Variants in GLI1 observed in about 807,000 individuals in gnomAD.
The protein encoded by GLI1 is GLI family zinc finger 1, also known as transcription activator GLI1.
A neutral mutation model predicts 87.8 loss-of-function variants in GLI1; 51 were observed. That is an observed-to-expected ratio of 0.58 (90% confidence interval 0.46 to 0.73). GLI1 has a LOEUF of 0.73. Among genes scored for constraint, GLI1 ranks in the 30% least tolerant of loss-of-function variants. The pLI is 0.00. For missense variants in GLI1, 1,292 were observed against 1,437.2 expected, an observed-to-expected ratio of 0.90 and a Z score of 1.63; for synonymous variants, 528 against 558.2, an observed-to-expected ratio of 0.95 and a Z score of 0.76.
At chr12:57,464,901 A>G in intron 4 of GLI1, 33 bp downstream of exon 4, 1 of 1,516,714 alleles carries the variant, frequency 6.6e-7, no homozygotes, top group South Asian at 1.1e-5. Context: ...AGGCCCCTAA[A>G]GCCCCTACCC....
chr12:57,463,607 A>T (rs770204788), intron 1 of GLI1, 58 bp from the exon 2 acceptor site: 12 of 831,168 alleles, frequency 1.4e-5, no homozygotes, highest in Non-Finnish European at 1.5e-5. Flanking sequence ...TGTGCCTGAG[A>T]CTGCTGTCTG....
At position 57,471,920 on chromosome 12, in the gene GLI1, T is replaced by C. The variant is rs1872002348; in HGVS notation, c.3180T>C (p.Ser1060=). ...TTCTGGATGAGCCCCAGGGGCTGAG[T>C]CCTCCTCCTTCCCATGATCAGCGGG... is the stretch of plus-strand genomic sequence containing the variant. ...VAILDEPQGL[S]PPPSHDQRGS... is the part of the protein sequence containing the mutation. The change falls in exon 12 of 12, where the codon AGT becomes AGC. Residue 1060 remains serine, a synonymous_variant. Coordinates refer to ENST00000228682, the MANE Select transcript of GLI1 (RefSeq NM_005269.3). This position sits in a 1 kb window ranked among gnomAD's most constrained non-coding sequence, Gnocchi z 4.9. 3 of 1,611,610 alleles carry C rather than the reference T, an allele frequency of 1.9e-6. No homozygotes were observed. In the East Asian group the frequency reaches 6.7e-5, roughly 36 times the overall value.
chr12:57,467,576 C>T (rs1871580397), intron 9 of GLI1, 79 bp downstream of exon 9: 1 of 1,221,942 alleles, frequency 8.2e-7, no homozygotes. Context: ...AATCCCTTAG[C>T]CCAGCACCCA....
Position 57,464,879 on chromosome 12 carries a change from C to G in GLI1, c.389+11C>G. The G allele has an allele frequency of 6.2e-7, 1 of 1,602,704 alleles. No individual in the cohort carries two copies. Among genetic ancestry groups the G allele is most frequent in the Non-Finnish European group, 8.5e-7 (1 of 1,170,114 alleles). ...CATTGGCACCATGAGGTGCAGTCAG[C>G]CCCGGGCCAAGAGGCCCCTAAAGCC... On this transcript the variant is annotated intron_variant, in intron 4 of 11. Coordinates refer to ENST00000228682, the MANE Select transcript of GLI1 (RefSeq NM_005269.3).
chr12:57,468,642 T>C (rs1871664520), intron 10 of GLI1, among the ~76,000 whole-genome samples: 2 of 152,148 alleles, frequency 1.3e-5, no homozygotes, highest in Admixed American at 6.5e-5. Context: ...TTTTCTTCTT[T>C]TTAGAGATCG....
rs779539699 is a variant in GLI1 at position 57,471,480 on chromosome 12, G to A, written c.2740G>A (p.Gly914Ser). 3.0e-5 allele frequency: 48 copies of A among 1,612,078 alleles called. No homozygotes were observed. Among genetic ancestry groups the A allele is most frequent in the Non-Finnish European group, 4.0e-5 (47 of 1,179,064 alleles). The change falls in exon 12 of 12, where the codon GGC becomes AGC. Residue 914 changes from glycine (G) to serine (S), a missense_variant. Transcript: ENST00000228682. This position sits in a 1 kb window ranked among gnomAD's most constrained non-coding sequence, Gnocchi z 4.9. Reference sequence around the variant, plus strand: ...ACAGGAGCTACTGTGGGAGGGTGGGGGCAGGGAAGATGCCCCCGCCCAGGA... The same window carrying A: ...ACAGGAGCTACTGTGGGAGGGTGGGAGCAGGGAAGATGCCCCCGCCCAGGA... ...SQQELLWEGG[G>S]REDAPAQEPS...
chr12:57,471,493 C>A lies in GLI1; in HGVS notation c.2753C>A (p.Ala918Asp), dbSNP rs201302136. 3 of 1,609,316 alleles carry A rather than the reference C, an allele frequency of 1.9e-6. No homozygotes were observed. Among genetic ancestry groups the A allele is most frequent in the Admixed American group, 1.7e-5 (1 of 59,146 alleles). ...LLWEGGGRED[A>D]PAQEPSYQSP... ...TGGGAGGGTGGGGGCAGGGAAGATG[C>A]CCCCGCCCAGGAACCTTCCTACCAG... Residue 918 changes from alanine (A) to aspartate (D), a missense_variant, in exon 12 of 12, where the codon GCC (alanine) becomes GAC (aspartate). Physicochemically the swap from Ala to Asp is moderately radical, Grantham distance 126. This residue lies in a region of GLI1 where 897 missense variants were observed against 1,040.7 expected (regional missense o/e 0.86). Transcript: ENST00000228682. The surrounding 1 kb of genome is among the most constrained non-coding windows in gnomAD (Gnocchi z 4.9).
At position 57,469,581 on chromosome 12, in the gene GLI1, A is replaced by G. The variant is rs1871729611; in HGVS notation, c.1459A>G (p.Ile487Val). 6.2e-7 allele frequency: 1 copy of G among 1,614,168 alleles called. No individual in the cohort carries two copies. Among genetic ancestry groups the G allele is most frequent in the African/African-American group, 1.3e-5 (1 of 75,038 alleles). The change falls in exon 11 of 12, where the codon ATT becomes GTT. Residue 487 changes from isoleucine (I) to valine (V), a missense_variant. Coordinates refer to ENST00000228682, the MANE Select transcript of GLI1 (RefSeq NM_005269.3). Reference protein sequence around the residue: ...DLSSLDEGPCIAGTGLSTLRR... With the variant: ...DLSSLDEGPCVAGTGLSTLRR... ...CTCCAGCTTGGACGAGGGACCTTGCATTGCTGGCACTGGTCTGTCCACTCT... is the reference window on the plus strand; with the variant it reads ...CTCCAGCTTGGACGAGGGACCTTGCGTTGCTGGCACTGGTCTGTCCACTCT...
At chr12:57,467,241 C>A (rs976856195) in intron 8 of GLI1, 92 bp from the exon 9 acceptor site, 43 of 1,076,048 alleles carry the variant, frequency 4.0e-5, no homozygotes, top group African/African-American at 6.3e-5. Context: ...GAGTTATATT[C>A]TCTGATGTGT....
chr12:57,460,145 C>T lies in GLI1; in HGVS notation c.-84C>T, dbSNP rs1871032151. On this transcript the variant is annotated 5_prime_UTR_variant, in exon 1 of 12. Coordinates refer to ENST00000228682, the MANE Select transcript of GLI1 (RefSeq NM_005269.3). Reference sequence around the variant, plus strand: ...CCGCCCCCCCTCCCCACCGCACACCCCCCAGCCCAGACTCCAGCCCTGGAC... The same window carrying T: ...CCGCCCCCCCTCCCCACCGCACACCTCCCAGCCCAGACTCCAGCCCTGGAC... The T allele has an allele frequency of 6.6e-6, 1 of 152,296 alleles. No homozygotes were observed. The highest frequency in any genetic ancestry group is 2.4e-5 in the African/African-American group (1 of 41,314). The allele number at this position is 152,296 out of a possible 1,614,324, so 9.4% of individuals were successfully genotyped here. A position where few individuals can be genotyped will look rare whatever the true frequency, so the allele number is the denominator to read the frequency against.
At position 57,470,354 on chromosome 12, in the gene GLI1, T is replaced by A. The variant is rs769607622; in HGVS notation, c.1614T>A (p.Ser538=). 1.9e-6 allele frequency: 3 copies of A among 1,601,646 alleles called. No homozygotes were observed. The highest frequency in any genetic ancestry group is 2.6e-6 in the Non-Finnish European group (3 of 1,173,356). ...TVSRRVGPPV[S]LERRSSSSSS... ...CCCGCCGCGTGGGCCCCCCAGTCTC[T>A]CTTGAACGCCGCAGCAGCAGCTCCA... Residue 538 remains serine, a synonymous_variant, in exon 12 of 12, where the codon TCT becomes TCA. Coordinates refer to ENST00000228682, the MANE Select transcript of GLI1 (RefSeq NM_005269.3).
At chr12:57,467,216 A>G (rs1202658389) in intron 8 of GLI1, 117 bp from the exon 9 acceptor site, 2 of 827,356 alleles carry the variant, frequency 2.4e-6, no homozygotes, top group African/African-American at 3.4e-5. Context: ...TCGAAGCCCC[A>G]GTGCCTTTCA....
chr12:57,471,601 C>G lies in GLI1; in HGVS notation c.2861C>G (p.Pro954Arg). 2 of 1,613,860 alleles carry G rather than the reference C, an allele frequency of 1.2e-6. No individual in the cohort carries two copies. The highest frequency in any genetic ancestry group is 1.7e-6 in the Non-Finnish European group (2 of 1,179,866). The change falls in exon 12 of 12, where the codon CCC becomes CGC. Residue 954 changes from proline (P) to arginine (R), a missense_variant. By Grantham distance (103) the Pro-to-Arg change is moderately radical. Around this residue, in one of 3 missense-constraint regions of GLI1, gnomAD observed 897 missense variants for 1,040.7 expected, o/e 0.86. Transcript: ENST00000228682. This position sits in a 1 kb window ranked among gnomAD's most constrained non-coding sequence, Gnocchi z 4.9. ...AACACATATGGACCTGGCTTTGGAC[C>G]CAACTTGCCCAATCACAAGTCAGGT... is the stretch of plus-strand genomic sequence containing the variant. ...PVNTYGPGFG[P>R]NLPNHKSGSY...
intron 1 of GLI1, among the ~76,000 whole-genome samples, chr12:57,462,412 C>T (rs1475422382): frequency 1.3e-5 from 2 of 152,038 alleles, no homozygotes; most frequent in South Asian, 2.1e-4. Flanking sequence ...GATCACCCAC[C>T]GCGCCGGCCG....
At position 57,471,127 on chromosome 12, in the gene GLI1, T is replaced by C. The variant is rs1352740229; in HGVS notation, c.2387T>C (p.Leu796Pro). ...HSGLYPGPKA[L>P]GGTYSQCPRL... The stretch of plus-strand genomic sequence containing the variant: ...GGGCTGTACCCAGGCCCCAAGGCTC[T>C]AGGTGGAACCTACAGCCAGTGTCCT... Residue 796 changes from leucine (L) to proline (P), a missense_variant, in exon 12 of 12, where the codon CTA (leucine) becomes CCA (proline). Transcript: ENST00000228682. The surrounding 1 kb of genome is among the most constrained non-coding windows in gnomAD (Gnocchi z 4.9). 1.2e-6 allele frequency: 2 copies of C among 1,613,264 alleles called. No individual in the cohort carries two copies. The highest frequency in any genetic ancestry group is 1.1e-5 in the South Asian group (1 of 90,974).
rs202128734 is a variant in GLI1, at chr12:57,465,843, G to T, written c.680G>T (p.Arg227Leu). 42 of 1,614,100 alleles carry T rather than the reference G, an allele frequency of 2.6e-5. No homozygotes were observed. Among genetic ancestry groups the T allele is most frequent in the Non-Finnish European group, 3.5e-5 (41 of 1,179,912 alleles). The change falls in exon 7 of 12, where the codon CGT (arginine) becomes CTT (leucine). Residue 227 changes from arginine to leucine, a missense_variant. Arg to Leu is a moderately radical substitution (Grantham distance 102, BLOSUM62 -2). Coordinates refer to ENST00000228682, the MANE Select transcript of GLI1 (RefSeq NM_005269.3). ...GREDLEREEK[R>L]EPESVYETDC... ...GAGGACCTCGAGAGAGAGGAGAAGC[G>T]TGAGCCTGAATCTGTGTATGAAACT...
intron 1 of GLI1, among the ~76,000 whole-genome samples, chr12:57,462,105 A>C (rs1871176360): frequency 6.6e-6 from 1 of 151,784 alleles, no homozygotes; most frequent in Non-Finnish European, 1.5e-5. Context: ...AGTTTGGGGG[A>C]GTCTCTAGTG....
rs760866050 is a variant in GLI1, at chr12:57,464,088, G to A, written c.190G>A (p.Glu64Lys). 7 of 1,594,584 alleles carry A rather than the reference G, an allele frequency of 4.4e-6. No individual in the cohort carries two copies. The highest frequency in any genetic ancestry group is 4.5e-5 in the East Asian group (2 of 44,792). Residue 64 changes from glutamate to lysine, a missense_variant, in exon 3 of 12, where the codon GAG (glutamate) becomes AAG (lysine). Coordinates refer to ENST00000228682, the MANE Select transcript of GLI1 (RefSeq NM_005269.3). ...GPARETNSCT[E>K]GPLFSSPRSA... ...AGCCAGAGAGACCAACAGCTGCACC[G>A]AGGGTGAGGGCTCAGGCAACACCTC...
In GLI1 at chr12:57,467,340, G is replaced by A. The variant is rs376773615; in HGVS notation, c.920G>A (p.Gly307Glu). 1.2e-5 allele frequency: 19 copies of A among 1,604,394 alleles called. No homozygotes were observed. In the African/African-American group the frequency reaches 2.4e-4, roughly 20 times the overall value. Reference protein sequence around the residue: ...GEKPHKCTFEGCRKSYSRLEN... With the variant: ...GEKPHKCTFEECRKSYSRLEN... ...CCCCTGCATGTCCCCCAGTTTGAAG[G>A]GTGCCGGAAGTCATACTCACGCCTC... The change falls in exon 9 of 12, where the codon GGG becomes GAG. Residue 307 changes from glycine to glutamate, a missense_variant. Around this residue, in one of 3 missense-constraint regions of GLI1, gnomAD observed 897 missense variants for 1,040.7 expected, o/e 0.86. Transcript: ENST00000228682.
Sources: allele counts gnomAD v4.1 joint callset (sites outside exome capture counted in the v4.1 genomes callset), GRCh38; gene constraint gnomAD v4.1.1; regional missense constraint gnomAD v4.1.1; non-coding constraint Gnocchi (gnomAD v3.1); transcripts MANE v1.5; gene names NCBI Gene and HGNC (gene_info 2026-07-23, HGNC 2026-07-21).